MSH3: variants seen among roughly 807,000 people sequenced by gnomAD.
MSH3 encodes the protein DNA mismatch repair protein Msh3.
In MSH3, 106 loss-of-function variants were observed where a neutral mutation model predicts 123.3. The observed-to-expected ratio is 0.86, with a 90% confidence interval of 0.73 to 1.01. The LOEUF (loss-of-function observed/expected upper bound fraction) is 1.01. Among genes scored for constraint, MSH3 ranks in the 50% least tolerant of loss-of-function variants. The pLI is 0.00. For missense variants in MSH3, 1,459 were observed against 1,347.6 expected, an observed-to-expected ratio of 1.08 and a Z score of -1.29; for synonymous variants, 515 against 481.4, an observed-to-expected ratio of 1.07 and a Z score of -0.91.
chr5:80,712,567 G>A (rs1041310747), intron 8 of MSH3, among the ~76,000 whole-genome samples: 2 of 151,860 alleles, frequency 1.3e-5, no homozygotes, highest in African/African-American at 4.8e-5. Context: ...GTTTTGGATT[G>A]CACTCCTATT....
chr5:80,790,092 A>G (rs1744582225), intron 18 of MSH3, among the ~76,000 whole-genome samples: 1 of 152,070 alleles, frequency 6.6e-6, no homozygotes, highest in Non-Finnish European at 1.5e-5. Context: ...AAATAAGCAT[A>G]CTCTGTGACT....
intron 11 of MSH3, among the ~76,000 whole-genome samples, chr5:80,742,682 T>A (rs955088603): frequency 6.6e-6 from 1 of 152,230 alleles, no homozygotes; most frequent in Non-Finnish European, 1.5e-5. Context: ...TCAGATGTAT[T>A]TTTGTTCAGT....
chr5:80,713,580 G>A lies in MSH3; in HGVS notation c.1341-11873G>A, dbSNP rs187747756. 1.7e-3 allele frequency among the ~76,000 whole-genome samples: 252 copies of A among 152,176 alleles called. 1 individual carries two copies. Among genetic ancestry groups the A allele is most frequent in the African/African-American group, 5.8e-3 (242 of 41,514 alleles). ...CCACAGCACAAATAGCCTCTGTAGCGGTCAAGGGAATGTGGTTTTATAATT... is the reference window on the plus strand; with the variant it reads ...CCACAGCACAAATAGCCTCTGTAGCAGTCAAGGGAATGTGGTTTTATAATT... On this transcript the variant is annotated intron_variant, in intron 8 of 23. Coordinates refer to ENST00000265081, the MANE Select transcript of MSH3 (RefSeq NM_002439.5).
intron 19 of MSH3, among the ~76,000 whole-genome samples, chr5:80,812,882 G>C (rs1032736738): frequency 1.3e-5 from 2 of 152,114 alleles, no homozygotes; most frequent in Admixed American, 1.3e-4. Flanking sequence ...TGACCAGGGA[G>C]CTATTGCCAA....
At chr5:80,842,587 G>T (rs1172980093) in intron 20 of MSH3, among the ~76,000 whole-genome samples, 2 of 152,090 alleles carry the variant, frequency 1.3e-5, no homozygotes, top group Non-Finnish European at 2.9e-5. Flanking sequence ...ATTTCGTTGA[G>T]CAGCGGTTTG....
At chr5:80,822,736 G>A (rs1745222519) in intron 20 of MSH3, among the ~76,000 whole-genome samples, 1 of 152,204 alleles carries the variant, frequency 6.6e-6, no homozygotes, top group Non-Finnish European at 1.5e-5. Context: ...CAGGAACCTA[G>A]AGGCACCACC....
chr5:80,804,476 A>G (rs945498209), intron 19 of MSH3, among the ~76,000 whole-genome samples: 19 of 152,256 alleles, frequency 1.2e-4, no homozygotes, highest in African/African-American at 4.6e-4. Context: ...CACTGCAGCT[A>G]TGTCTGCATT....
chr5:80,787,198 G>A (rs1333925064), intron 17 of MSH3, among the ~76,000 whole-genome samples: 1 of 152,144 alleles, frequency 6.6e-6, no homozygotes, highest in Non-Finnish European at 1.5e-5. Context: ...AGAAGCACAA[G>A]GGAAGCTGAT....
At chr5:80,695,619 C>T (rs1372569139) in intron 8 of MSH3, among the ~76,000 whole-genome samples, 2 of 152,192 alleles carry the variant, frequency 1.3e-5, no homozygotes, top group Non-Finnish European at 2.9e-5. Context: ...CAGGTGTGAG[C>T]CACTGTGTCC....
intron 10 of MSH3, among the ~76,000 whole-genome samples, chr5:80,740,575 T>C (rs2112866169): frequency 6.6e-6 from 1 of 152,274 alleles, no homozygotes; most frequent in Non-Finnish European, 1.5e-5. Context: ...TTGGCCAGGA[T>C]GGTCTCCATC....
At chr5:80,855,402 C>T (rs952566247) in intron 21 of MSH3, 3 of 152,018 alleles carry the variant, frequency 2.0e-5, no homozygotes, top group Non-Finnish European at 4.4e-5. Flanking sequence ...CCTTTTGTTG[C>T]CATTGGTGTT....
At chr5:80,765,844 G>A (rs1044164454) in intron 13 of MSH3, among the ~76,000 whole-genome samples, 1 of 152,102 alleles carries the variant, frequency 6.6e-6, no homozygotes, top group African/African-American at 2.4e-5. Context: ...GAGAAAGCAC[G>A]TTGGAAGTAA....
At chr5:80,821,750 G>A (rs1377278442) in intron 20 of MSH3, among the ~76,000 whole-genome samples, 3 of 152,166 alleles carry the variant, frequency 2.0e-5, no homozygotes, top group African/African-American at 7.2e-5. Flanking sequence ...TTTTACATGG[G>A]CCACTTATTT....
chr5:80,782,937 A>C (rs1245457274), intron 17 of MSH3, among the ~76,000 whole-genome samples: 1 of 152,182 alleles, frequency 6.6e-6, no homozygotes. Flanking sequence ...AAGGCTGTAG[A>C]CACTGCTGTG....
chr5:80,667,035 A>C (rs558087008), intron 3 of MSH3, among the ~76,000 whole-genome samples: 1 of 152,284 alleles, frequency 6.6e-6, no homozygotes, highest in African/African-American at 2.4e-5. Flanking sequence ...AACCCTCATG[A>C]CACAAGTTTT....
chr5:80,723,604 T>A (rs1477196189), intron 8 of MSH3, among the ~76,000 whole-genome samples: 2 of 152,170 alleles, frequency 1.3e-5, no homozygotes, highest in Non-Finnish European at 2.9e-5. Context: ...TGTATAAATC[T>A]TAGAAATAGT....
chr5:80,843,727 A>G (rs944496132), intron 20 of MSH3, among the ~76,000 whole-genome samples: 3 of 151,918 alleles, frequency 2.0e-5, no homozygotes, highest in African/African-American at 4.8e-5. Context: ...GGTAGTTTGT[A>G]TTTCTGTGGG....
At position 80,665,142 on chromosome 5, in the gene MSH3, G is replaced by C. The variant is rs1749540054; in HGVS notation, c.359-1G>C. On this transcript the variant is annotated splice_acceptor_variant, in intron 2 of 23. Coordinates refer to ENST00000265081, the MANE Select transcript of MSH3 (RefSeq NM_002439.5). LOFTEE classifies it high-confidence loss of function. ...TGTTTTCTTCTTATTTGCTGCCTAA[G>C]AGCCAAAGAAATGTCTGAGGACCAG... 1 of 1,613,128 alleles carries C rather than the reference G, an allele frequency of 6.2e-7. No homozygotes were observed. Among genetic ancestry groups the C allele is most frequent in the African/African-American group, 1.3e-5 (1 of 74,874 alleles).
intron 20 of MSH3, among the ~76,000 whole-genome samples, chr5:80,818,285 G>A (rs776647655): frequency 1.3e-5 from 2 of 149,430 alleles, no homozygotes; most frequent in Non-Finnish European, 3.0e-5. Context: ...GAGAAAAAGA[G>A]AATAGAGGAA....
Sources: gnomAD v4.1 joint callset for allele counts (sites outside exome capture counted in the v4.1 genomes callset) on GRCh38, gnomAD v4.1.1 for gene constraint, MANE v1.5 for transcripts, NCBI Gene and HGNC (gene_info 2026-07-23, HGNC 2026-07-21) for gene names.